The following FBLN1 variants were observed in gnomAD, a reference collection of about 807,000 sequenced individuals.
FBLN1 encodes fibulin-1.
Under a neutral mutation model 89.7 loss-of-function variants are expected in FBLN1, and 34 were observed. The observed-to-expected ratio is 0.38, with a 90% CI of 0.29 to 0.50. FBLN1 has a LOEUF of 0.50. FBLN1 is among the 20% of genes least tolerant of loss of function. The probability of loss-of-function intolerance (pLI) is 0.92; values close to 1 mark genes in which losing one functional copy is unlikely to be tolerated. For missense variants in FBLN1, 777 were observed against 988.1 expected (o/e 0.79, Z 2.86); for synonymous variants, 393 against 391.3 (o/e 1.00, Z -0.05).
At position 45,578,131 on chromosome 22, in the gene FBLN1, A is replaced by AT. The variant is rs2089013253; in HGVS notation, c.1972+1023_1972+1024insT. ...CTGGAGTCCGGGAGGTCCTAACCAG[A>AT]ACCCACGAGCGTGCAGTGCGCACAG... On this transcript the variant is annotated intron_variant, in intron 16 of 16. Coordinates refer to ENST00000327858, the MANE Select transcript of FBLN1 (RefSeq NM_006486.3). The surrounding 1 kb of genome is among the most constrained non-coding windows in gnomAD (Gnocchi z 4.6). 1.3e-5 allele frequency: 2 copies of AT among 152,224 alleles called. No homozygotes were observed. The highest frequency in any genetic ancestry group is 2.9e-5 in the Non-Finnish European group (2 of 68,028). The allele number at this position is 152,224 out of a possible 1,614,324, so 9.4% of individuals were successfully genotyped here.
At position 45,590,676 on chromosome 22, in the gene FBLN1, GA is replaced by G. The variant is rs1311166173; in HGVS notation, c.1973-9630del. The stretch of plus-strand genomic sequence containing the variant: ...CAGGTGGGGTTGTGGGGAGAGAAGG[GA>G]GGAGAGTCTGGAGACCTTTAGGAAT... On this transcript the variant is annotated intron_variant, in intron 16 of 16. Transcript: ENST00000327858. This position sits in a 1 kb window ranked among gnomAD's most constrained non-coding sequence, Gnocchi z 4.1. 6.6e-6 allele frequency among the ~76,000 whole-genome samples: 1 copy of G among 152,174 alleles called. No individual in the cohort carries two copies. Among genetic ancestry groups the G allele is most frequent in the Non-Finnish European group, 1.5e-5 (1 of 68,034 alleles).
At chr22:45,560,649 C>T (rs541722042) in intron 14 of FBLN1, among the ~76,000 whole-genome samples, 23 of 152,340 alleles carry the variant, frequency 1.5e-4, no homozygotes, top group Middle Eastern at 3.4e-3. Context: ...CCTAATCCAA[C>T]GCTATGTTCC....
At chr22:45,586,323 G>T (rs1601540529) in intron 16 of FBLN1, among the ~76,000 whole-genome samples, 1 of 152,378 alleles carries the variant, frequency 6.6e-6, no homozygotes, top group Non-Finnish European at 1.5e-5. Context: ...GGCCGCCTCT[G>T]CAGGAGGAGA....
Position 45,600,422 on chromosome 22 carries a change from C to T in FBLN1, c.2088C>T (p.Ile696=), listed in dbSNP as rs766044422. 6.2e-7 allele frequency: 1 copy of T among 1,614,188 alleles called. No homozygotes were observed. Among genetic ancestry groups the T allele is most frequent in the South Asian group, 1.1e-5 (1 of 91,076 alleles). The part of the protein sequence containing the change: ...VSHRNVVNVH[I]FVSEYWF ...ACCGAAATGTTGTCAACGTCCACAT[C>T]TTCGTCTCTGAGTACTGGTTCTGAG... The change falls in exon 17 of 17, where the codon ATC becomes ATT. Residue 696 remains isoleucine, a synonymous_variant. Coordinates refer to ENST00000327858, the MANE Select transcript of FBLN1 (RefSeq NM_006486.3).
In FBLN1 at chr22:45,531,391, A is replaced by C; in HGVS notation, c.544+67A>C. On this transcript the variant is annotated intron_variant, in intron 5 of 16. Transcript: ENST00000327858. The surrounding 1 kb of genome is among the most constrained non-coding windows in gnomAD (Gnocchi z 4.9). ...CCCCAAGGGGCCAGCAAGGTGGCTC[A>C]GGCCTGTAATCCTAGTACTTTGGGA... 2.9e-6 allele frequency: 4 copies of C among 1,401,034 alleles called. No individual in the cohort carries two copies. The highest frequency in any genetic ancestry group is 1.2e-5 in the South Asian group (1 of 86,646). 86.8% of individuals were successfully genotyped at this position (1,401,034 alleles called of 1,614,324 possible). A position where few individuals can be genotyped will look rare whatever the true frequency, so the allele number is the denominator to read the frequency against.
At chr22:45,565,154 T>C (rs371191856) in intron 14 of FBLN1, 70 of 1,571,102 alleles carry the variant, frequency 4.5e-5, no homozygotes, top group Non-Finnish European at 5.9e-5. Flanking sequence ...GTCTCCCATG[T>C]TGTAGTACAT....
chr22:45,524,896 C>T (rs2088299904), intron 2 of FBLN1, among the ~76,000 whole-genome samples: 1 of 152,090 alleles, frequency 6.6e-6, no homozygotes, highest in African/African-American at 2.4e-5. Flanking sequence ...ACCAGCCTGG[C>T]CAACACAGTG....
At chr22:45,548,489 G>A in intron 12 of FBLN1, 124 bp from the exon 13 acceptor site, 2 of 1,327,406 alleles carry the variant, frequency 1.5e-6, no homozygotes, top group Non-Finnish European at 2.1e-6. Context: ...GGCTTCCTGT[G>A]TTCAGCTTGT....
rs1395349594 is a variant in FBLN1 at position 45,549,842 on chromosome 22, G to C, written c.1574-650G>C. Among the ~76,000 whole-genome samples, 1 of 152,158 alleles carries C rather than the reference G, an allele frequency of 6.6e-6. No homozygotes were observed. The highest frequency in any genetic ancestry group is 1.5e-5 in the Non-Finnish European group (1 of 68,008). ...TGTGGTGCCCCAGGCCCCATCCCAG[G>C]AGTCCCAGACCTGGTGGTTCCAGTC... On this transcript the variant is annotated intron_variant, in intron 13 of 16. Coordinates refer to ENST00000327858, the MANE Select transcript of FBLN1 (RefSeq NM_006486.3). This position sits in a 1 kb window ranked among gnomAD's most constrained non-coding sequence, Gnocchi z 5.7.
intron 16 of FBLN1, among the ~76,000 whole-genome samples, chr22:45,594,708 G>GGATA (rs1255802434): frequency 6.9e-6 from 1 of 144,996 alleles, no homozygotes; most frequent in African/African-American, 2.7e-5. Context: ...ATGGATGGAT[G>GGATA]GATGGATGGA....
intron 2 of FBLN1, among the ~76,000 whole-genome samples, chr22:45,523,939 A>C (rs1360912126): frequency 1.3e-5 from 2 of 152,082 alleles, no homozygotes; most frequent in African/African-American, 4.8e-5. Flanking sequence ...ATCCTCACCA[A>C]CACTTGTGAT....
At chr22:45,508,283 T>A (rs1377963097) in intron 1 of FBLN1, among the ~76,000 whole-genome samples, 3 of 131,628 alleles carry the variant, frequency 2.3e-5, no homozygotes, top group Non-Finnish European at 4.9e-5. Context: ...CAGCCTCGCG[T>A]ATCTTTTTTT....
intron 9 of FBLN1, 48 bp from the exon 10 acceptor site, chr22:45,542,107 A>G (rs750375009): frequency 1.9e-5 from 30 of 1,613,764 alleles, no homozygotes; most frequent in Non-Finnish European, 2.5e-5. Flanking sequence ...TGGGGGGAAA[A>G]AACCCAAACT....
At position 45,571,990 on chromosome 22, in the gene FBLN1, G is replaced by A. The variant is rs556064413; in HGVS notation, c.1698-2521G>A. 6.6e-5 allele frequency among the ~76,000 whole-genome samples: 10 copies of A among 152,142 alleles called. No individual in the cohort carries two copies. In the South Asian group the frequency reaches 1.2e-3, roughly 19 times the overall value. ...CTAAAAATACAAAAATTAGCTGGTC[G>A]TGGTGGTGCCCGCCTGTAATCCCAG... is the stretch of plus-strand genomic sequence containing the variant. On this transcript the variant is annotated intron_variant, in intron 14 of 16. Transcript: ENST00000327858.
At chr22:45,504,367 G>A (rs2087989648) in intron 1 of FBLN1, among the ~76,000 whole-genome samples, 1 of 152,148 alleles carries the variant, frequency 6.6e-6, no homozygotes, top group Non-Finnish European at 1.5e-5. Flanking sequence ...GGGAGGCGCA[G>A]AGCTCAGTGT....
rs73892711 is a variant in FBLN1 at position 45,541,391 on chromosome 22, A to T, written c.1066+19A>T. 4 of 1,614,130 alleles carry T rather than the reference A, an allele frequency of 2.5e-6. No individual in the cohort carries two copies. The African/African-American group carries it at 5.3e-5, about 22-fold the overall frequency. ...TGTGTTGGTTGGTATTAAGAAAACAAATCTGAAATCCACTTTCCTGTCTGC... is the reference window on the plus strand; with the variant it reads ...TGTGTTGGTTGGTATTAAGAAAACATATCTGAAATCCACTTTCCTGTCTGC... On this transcript the variant is annotated intron_variant, in intron 9 of 16. Transcript: ENST00000327858.
At position 45,563,221 on chromosome 22, in the gene FBLN1, C is replaced by A. The variant is rs976328904; in HGVS notation, c.1698-11290C>A. On this transcript the variant is annotated intron_variant, in intron 14 of 16. Coordinates refer to ENST00000327858, the MANE Select transcript of FBLN1 (RefSeq NM_006486.3). This position sits in a 1 kb window ranked among gnomAD's most constrained non-coding sequence, Gnocchi z 5.7. ...ATCTCTCTCGCCACGGCACCGTCAG[C>A]TCCTTTGTGGCCAAGCTTTTCATCT... 1 of 1,613,836 alleles carries A rather than the reference C, an allele frequency of 6.2e-7. No homozygotes were observed. Among genetic ancestry groups the A allele is most frequent in the Non-Finnish European group, 8.5e-7 (1 of 1,180,044 alleles).
Position 45,531,326 on chromosome 22 carries a change from T to TGAGACTCGGGC in FBLN1, c.544+4_544+14dup, listed in dbSNP as rs2088404099. On this transcript the variant is annotated splice_region_variant and intron_variant, in intron 5 of 16. Coordinates refer to ENST00000327858, the MANE Select transcript of FBLN1 (RefSeq NM_006486.3). The surrounding 1 kb of genome is among the most constrained non-coding windows in gnomAD (Gnocchi z 4.9). ...CATATCTGAATGACCGCTGCCGAGG[T>TGAGACTCGGGC]GAGACTCGGGCGTCTCCCATCAGTT... The TGAGACTCGGGC allele has an allele frequency of 6.2e-7, 1 of 1,613,130 alleles. No individual in the cohort carries two copies. The highest frequency in any genetic ancestry group is 1.7e-5 in the Admixed American group (1 of 59,982).
chr22:45,546,963 C>A, intron 11 of FBLN1, 122 bp from the exon 12 acceptor site: 1 of 1,502,408 alleles, frequency 6.7e-7, no homozygotes, highest in Non-Finnish European at 9.2e-7. Context: ...GGACCTCTGT[C>A]TCTCCGAGTG....
Sources: allele counts gnomAD v4.1 joint callset (sites outside exome capture counted in the v4.1 genomes callset), GRCh38; gene constraint gnomAD v4.1.1; non-coding constraint Gnocchi (gnomAD v3.1); transcripts MANE v1.5; gene names NCBI Gene and HGNC (gene_info 2026-07-23, HGNC 2026-07-21).